GRID2: variants seen among roughly 807,000 people sequenced by gnomAD.
GRID2 encodes the protein glutamate ionotropic receptor delta type subunit 2, also known as glutamate receptor ionotropic, delta-2.
Under a neutral mutation model 114.8 loss-of-function variants are expected in GRID2, and 33 were observed. The observed-to-expected ratio is 0.29, with a 90% confidence interval of 0.22 to 0.38. GRID2 has a LOEUF of 0.38. GRID2 is among the 10% of genes least tolerant of loss of function. The probability of loss-of-function intolerance (pLI) is 1.00; values close to 1 mark genes in which losing one functional copy is unlikely to be tolerated. For synonymous variants in GRID2, 505 were observed against 449.9 expected, an observed-to-expected ratio of 1.12 and a Z score of -1.55; for missense variants, 1,184 against 1,257.7, an observed-to-expected ratio of 0.94 and a Z score of 0.89.
intron 1 of GRID2, among the ~76,000 whole-genome samples, chr4:93,794,034 A>C (rs1444385824): frequency 6.6e-6 from 1 of 152,140 alleles, no homozygotes; most frequent in African/African-American, 2.4e-5. Context: ...AGAAAAAAAA[A>C]AAGAATATGA....
intron 2 of GRID2, among the ~76,000 whole-genome samples, chr4:92,710,543 G>A (rs1289471643): frequency 6.6e-6 from 1 of 152,184 alleles, no homozygotes; most frequent in Non-Finnish European, 1.5e-5. Flanking sequence ...CTTAGCTTTT[G>A]TGCCATGTCC....
chr4:92,605,609 T>A (rs1729418807), intron 2 of GRID2, among the ~76,000 whole-genome samples: 2 of 152,200 alleles, frequency 1.3e-5, no homozygotes, highest in Admixed American at 6.6e-5. Context: ...ACCTTTAAGA[T>A]TTCAGGTTGA....
At chr4:93,730,490 C>G (rs1236512999) in intron 14 of GRID2, among the ~76,000 whole-genome samples, 2 of 152,216 alleles carry the variant, frequency 1.3e-5, no homozygotes, top group African/African-American at 2.4e-5. Context: ...AAGCGACAAT[C>G]AAGCCTTTAA....
intron 2 of GRID2, among the ~76,000 whole-genome samples, chr4:92,697,228 T>C (rs143221671): frequency 4.8e-4 from 73 of 152,292 alleles, no homozygotes; most frequent in African/African-American, 1.6e-3. Flanking sequence ...GTTGTCTTAA[T>C]GACCATGGAA....
At chr4:92,746,645 G>A (rs544592970) in intron 2 of GRID2, among the ~76,000 whole-genome samples, 3 of 152,082 alleles carry the variant, frequency 2.0e-5, no homozygotes, top group South Asian at 2.1e-4. Context: ...ATCTCTTTAC[G>A]TACTTACAGA....
At chr4:92,896,556 TTATA>T (rs201766302) in intron 2 of GRID2, among the ~76,000 whole-genome samples, 3 of 147,670 alleles carry the variant, frequency 2.0e-5, no homozygotes, top group East Asian at 2.0e-4. Context: ...TTTTATAATA[TTATA>T]TATATATATA....
At chr4:93,076,752 G>A (rs1019680374) in intron 2 of GRID2, among the ~76,000 whole-genome samples, 1 of 151,232 alleles carries the variant, frequency 6.6e-6, no homozygotes, top group African/African-American at 2.4e-5. Flanking sequence ...CAAGTAGCTG[G>A]GATTACAGGC....
At chr4:93,529,676 C>CGT (rs371251946) in intron 13 of GRID2, among the ~76,000 whole-genome samples, 21 of 151,862 alleles carry the variant, frequency 1.4e-4, no homozygotes, top group Middle Eastern at 3.4e-3. Flanking sequence ...CAAGAGTGTG[C>CGT]GTGTGTGTGT....
intron 14 of GRID2, among the ~76,000 whole-genome samples, chr4:93,742,001 A>G (rs1175451847): frequency 6.6e-6 from 1 of 152,162 alleles, no homozygotes; most frequent in Admixed American, 6.5e-5. Flanking sequence ...TGAACCACTA[A>G]CTATGGCCAA....
chr4:93,504,490 C>T (rs1448980588), intron 12 of GRID2, among the ~76,000 whole-genome samples: 1 of 151,788 alleles, frequency 6.6e-6, no homozygotes, highest in Non-Finnish European at 1.5e-5. Flanking sequence ...GACTAGAACT[C>T]CACTGTAAGA....
intron 12 of GRID2, among the ~76,000 whole-genome samples, chr4:93,510,959 G>C (rs1161136963): frequency 6.6e-6 from 1 of 152,002 alleles, no homozygotes; most frequent in African/African-American, 2.4e-5. Context: ...TCCTTTGAGA[G>C]GGAGTCTCGC....
chr4:92,528,905 C>G (rs866320456), intron 1 of GRID2, among the ~76,000 whole-genome samples: 28 of 149,432 alleles, frequency 1.9e-4, no homozygotes, highest in African/African-American at 6.2e-4. Flanking sequence ...TAGGAATAAG[C>G]AAAATGTGTG....
At chr4:92,484,920 A>G (rs2149108003) in intron 1 of GRID2, among the ~76,000 whole-genome samples, 1 of 152,204 alleles carries the variant, frequency 6.6e-6, no homozygotes, top group Non-Finnish European at 1.5e-5. Flanking sequence ...CCTTCATATT[A>G]CATGGAAATA....
At chr4:93,680,198 G>A (rs1253775765) in intron 14 of GRID2, among the ~76,000 whole-genome samples, 2 of 152,046 alleles carry the variant, frequency 1.3e-5, no homozygotes, top group Non-Finnish European at 2.9e-5. Context: ...TAAATTCCTT[G>A]ACACATACAC....
At chr4:93,680,179 A>G (rs1725369994) in intron 14 of GRID2, among the ~76,000 whole-genome samples, 1 of 152,130 alleles carries the variant, frequency 6.6e-6, no homozygotes, top group African/African-American at 2.4e-5. Context: ...AAAATCTAGA[A>G]GAAATGGATA....
At chr4:93,655,659 C>G (rs1296925342) in intron 14 of GRID2, among the ~76,000 whole-genome samples, 1 of 152,056 alleles carries the variant, frequency 6.6e-6, no homozygotes, top group Non-Finnish European at 1.5e-5. Flanking sequence ...AAGGATGACT[C>G]TTTTATTTCT....
At chr4:92,669,974 C>T (rs1732978088) in intron 2 of GRID2, among the ~76,000 whole-genome samples, 1 of 151,908 alleles carries the variant, frequency 6.6e-6, no homozygotes, top group Admixed American at 6.6e-5. Context: ...TTATGCCGGC[C>T]TTGATTTGCA....
chr4:93,470,721 A>G (rs1724720906), intron 11 of GRID2, among the ~76,000 whole-genome samples: 3 of 152,164 alleles, frequency 2.0e-5, no homozygotes, highest in Non-Finnish European at 4.4e-5. Flanking sequence ...ACTAATTGAC[A>G]AAATTAAAAA....
At chr4:92,932,891 T>G (rs968708246) in intron 2 of GRID2, among the ~76,000 whole-genome samples, 2 of 151,274 alleles carry the variant, frequency 1.3e-5, no homozygotes, top group Non-Finnish European at 3.0e-5. Flanking sequence ...CAAACTATTG[T>G]GATAATTGAA....
Sources: allele counts gnomAD v4.1 joint callset (sites outside exome capture counted in the v4.1 genomes callset), GRCh38; gene constraint gnomAD v4.1.1; transcripts MANE v1.5; gene names NCBI Gene and HGNC (gene_info 2026-07-23, HGNC 2026-07-21).